The following SDK1 variants were observed in gnomAD, a reference collection of about 807,000 sequenced individuals.
SDK1 encodes protein sidekick-1.
In SDK1, 157 loss-of-function variants were observed where a neutral mutation model predicts 245.5. The observed-to-expected ratio is 0.64, with a 90% CI of 0.56 to 0.73. The LOEUF is 0.73. Among genes scored for constraint, SDK1 ranks in the 30% least tolerant of loss-of-function variants. SDK1 has a pLI of 0.00. For missense variants in SDK1, 3,583 were observed against 3,002.3 expected, an observed-to-expected ratio of 1.19 and a Z score of -4.52; for synonymous variants, 1,647 against 1,278.5, an observed-to-expected ratio of 1.29 and a Z score of -6.15.
chr7:3,865,076 G>T (rs1181477851), intron 5 of SDK1, among the ~76,000 whole-genome samples: 3 of 152,176 alleles, frequency 2.0e-5, no homozygotes, highest in African/African-American at 7.2e-5. Context: ...AGGTCCCCGT[G>T]CCCTCCAGCA....
chr7:4,266,343 C>T lies in SDK1; in HGVS notation c.*959C>T, dbSNP rs952220942. The T allele has an allele frequency of 3.7e-5, 36 of 985,348 alleles. No homozygotes were observed. In the Middle Eastern group the frequency reaches 2.6e-3, roughly 72 times the overall value. The allele number at this position is 985,348 out of a possible 1,614,324, so 61.0% of individuals were successfully genotyped here. On this transcript the variant is annotated 3_prime_UTR_variant, in exon 45 of 45. Coordinates refer to ENST00000404826, the MANE Select transcript of SDK1 (RefSeq NM_152744.4). ...AGGTGCCTTTTTATTAATTGTTCAG[C>T]TTTGTACATGGGAAAGATGAAAAGC...
chr7:4,238,471 G>A (rs1269398203), intron 42 of SDK1, among the ~76,000 whole-genome samples: 1 of 152,116 alleles, frequency 6.6e-6, no homozygotes, highest in East Asian at 1.9e-4. Context: ...GGCTAAGGCT[G>A]AGGATCACCT....
intron 22 of SDK1, among the ~76,000 whole-genome samples, chr7:4,099,026 G>GATCTA (rs1314446381): frequency 6.6e-6 from 1 of 151,768 alleles, no homozygotes; most frequent in Admixed American, 6.6e-5. Flanking sequence ...TTGTTGTAAT[G>GATCTA]ATCTATGGCC....
At chr7:3,626,109 A>ATT (rs933229829) in intron 2 of SDK1, among the ~76,000 whole-genome samples, 2 of 138,450 alleles carry the variant, frequency 1.4e-5, no homozygotes, top group African/African-American at 5.5e-5. Context: ...ACAACTAGCT[A>ATT]TTTTTTTTTT....
At chr7:4,091,178 C>A (rs939793379) in intron 22 of SDK1, among the ~76,000 whole-genome samples, 3 of 152,066 alleles carry the variant, frequency 2.0e-5, no homozygotes, top group Non-Finnish European at 2.9e-5. Flanking sequence ...CTTAAAAATT[C>A]CTGAAGTCCA....
chr7:4,180,991 C>T lies in SDK1; in HGVS notation c.5098+2405C>T, dbSNP rs78699865. Among the ~76,000 whole-genome samples, 666 of 152,328 alleles carry T rather than the reference C, an allele frequency of 4.4e-3. 3 individuals are homozygous for T. Among genetic ancestry groups the T allele is most frequent in the African/African-American group, 0.016 (650 of 41,568 alleles). On this transcript the variant is annotated intron_variant, in intron 35 of 44. Coordinates refer to ENST00000404826, the MANE Select transcript of SDK1 (RefSeq NM_152744.4). ...TGCGTATAACATGGAAAGCATTCTC[C>T]GTGTGCAGTTCAGCGGCATTCAGGA...
intron 5 of SDK1, among the ~76,000 whole-genome samples, chr7:3,860,147 C>G (rs371316116): frequency 2.0e-5 from 3 of 152,080 alleles, no homozygotes; most frequent in Middle Eastern, 3.2e-3. Context: ...GTCTCACTCT[C>G]CTGACCTCGT....
At chr7:3,713,585 A>G (rs1785111878) in intron 4 of SDK1, among the ~76,000 whole-genome samples, 1 of 152,184 alleles carries the variant, frequency 6.6e-6, no homozygotes, top group South Asian at 2.1e-4. Context: ...TTTATACCTG[A>G]GAGTACAGAA....
intron 44 of SDK1, among the ~76,000 whole-genome samples, chr7:4,264,434 G>GGAGGCCGCGTGGACCTCTCGA (rs1788306074): frequency 3.4e-5 from 4 of 116,552 alleles, no homozygotes; most frequent in African/African-American, 1.1e-4. Flanking sequence ...CCTCTCCTGG[G>GGAGGCCGCGTGGACCTCTCGA]GTAAGGAAGG....
Position 4,245,810 on chromosome 7 carries a change from G to C in SDK1, c.6381+5G>C. 1.9e-6 allele frequency: 3 copies of C among 1,613,766 alleles called. No homozygotes were observed. Among genetic ancestry groups the C allele is most frequent in the Non-Finnish European group, 2.5e-6 (3 of 1,179,886 alleles). On this transcript the variant is annotated splice_donor_5th_base_variant and intron_variant, in intron 44 of 44. Transcript: ENST00000404826. Reference sequence around the variant, plus strand: ...GCAGATGCATCAGAATCTGAGGTCAGTGTCGGTGCCTACTTCCGGGCAGTG... The same window carrying C: ...GCAGATGCATCAGAATCTGAGGTCACTGTCGGTGCCTACTTCCGGGCAGTG...
intron 5 of SDK1, among the ~76,000 whole-genome samples, chr7:3,852,057 G>T (rs894444337): frequency 6.6e-6 from 1 of 152,140 alleles, no homozygotes; most frequent in African/African-American, 2.4e-5. Flanking sequence ...GGATTGCTTG[G>T]CGCTGGAGGT....
intron 1 of SDK1, among the ~76,000 whole-genome samples, chr7:3,347,498 C>T (rs920407429): frequency 6.6e-6 from 1 of 152,162 alleles, no homozygotes; most frequent in Non-Finnish European, 1.5e-5. Flanking sequence ...CTCCAGAACC[C>T]TAGCCATTGG....
chr7:4,113,493 G>A, intron 24 of SDK1, 54 bp downstream of exon 24: 1 of 1,588,802 alleles, frequency 6.3e-7, no homozygotes, highest in East Asian at 2.2e-5. Flanking sequence ...AGTGAGCCAG[G>A]GCACACACTA....
At chr7:3,745,296 T>C (rs1404125613) in intron 4 of SDK1, among the ~76,000 whole-genome samples, 1 of 152,214 alleles carries the variant, frequency 6.6e-6, no homozygotes, top group Non-Finnish European at 1.5e-5. Flanking sequence ...TGCTATTAAA[T>C]GTCTAGGCTA....
chr7:3,328,423 T>C (rs1779987169), intron 1 of SDK1, among the ~76,000 whole-genome samples: 2 of 152,092 alleles, frequency 1.3e-5, no homozygotes, highest in South Asian at 4.1e-4. Context: ...GCTAACATTC[T>C]AGTTCAGATG....
chr7:4,234,721 G>T (rs533851070), intron 41 of SDK1, among the ~76,000 whole-genome samples: 1 of 152,286 alleles, frequency 6.6e-6, no homozygotes, highest in Non-Finnish European at 1.5e-5. Flanking sequence ...AGTGACTTCC[G>T]TGGCTCCAGG....
intron 4 of SDK1, among the ~76,000 whole-genome samples, chr7:3,785,069 A>G (rs1780857763): frequency 6.6e-6 from 1 of 152,254 alleles, no homozygotes; most frequent in African/African-American, 2.4e-5. Context: ...GGATGGAATC[A>G]GAGAGCGTTA....
chr7:3,690,902 C>T (rs1338243365), intron 4 of SDK1, among the ~76,000 whole-genome samples: 1 of 152,164 alleles, frequency 6.6e-6, no homozygotes, highest in East Asian at 1.9e-4. Flanking sequence ...AAAATACACT[C>T]ATATTATAGC....
intron 1 of SDK1, among the ~76,000 whole-genome samples, chr7:3,590,109 A>G (rs1780816629): frequency 6.6e-6 from 1 of 152,190 alleles, no homozygotes; most frequent in Non-Finnish European, 1.5e-5. Context: ...TTACAGACTT[A>G]TAAAATGGAA....
Sources: allele counts gnomAD v4.1 joint callset (sites outside exome capture counted in the v4.1 genomes callset), GRCh38; gene constraint gnomAD v4.1.1; transcripts MANE v1.5; gene names NCBI Gene and HGNC (gene_info 2026-07-23, HGNC 2026-07-21).